The following RAB3GAP2 variants were observed in gnomAD, a reference collection of about 807,000 sequenced individuals.
RAB3GAP2 encodes the protein RAB3 GTPase activating non-catalytic protein subunit 2, also known as rab3 GTPase-activating protein non-catalytic subunit.
A neutral mutation model predicts 185.3 loss-of-function variants in RAB3GAP2; 87 were observed. The observed-to-expected ratio is 0.47, with a 90% CI of 0.39 to 0.56. The LOEUF (loss-of-function observed/expected upper bound fraction) is 0.56, where lower values mean the gene tolerates loss of function less well. RAB3GAP2 is among the 20% of genes least tolerant of loss of function. RAB3GAP2 has a pLI of 0.00. For synonymous variants in RAB3GAP2, 554 were observed against 576.1 expected (o/e 0.96, Z 0.55); for missense variants, 1,492 against 1,638.2 (o/e 0.91, Z 1.54).
chr1:220,239,440 A>G (rs964095880), intron 1 of RAB3GAP2, among the ~76,000 whole-genome samples: 8 of 152,172 alleles, frequency 5.3e-5, no homozygotes, highest in Non-Finnish European at 1.0e-4. Context: ...CATGTTGACC[A>G]GGTTGGTCTT....
At chr1:220,181,576 T>C (rs1658405254) in intron 21 of RAB3GAP2, among the ~76,000 whole-genome samples, 2 of 152,168 alleles carry the variant, frequency 1.3e-5, no homozygotes, top group Non-Finnish European at 2.9e-5. Context: ...AGTCTGAAAA[T>C]GTTTGGTAAC....
At chr1:220,200,340 T>C (rs114740948) in intron 9 of RAB3GAP2, among the ~76,000 whole-genome samples, 2,550 of 152,320 alleles carry the variant, frequency 0.017, 37 homozygotes, top group Non-Finnish European at 0.026. Flanking sequence ...ACCTACTTAT[T>C]TTCTTCATGA....
rs1239473751 is a variant in RAB3GAP2, at chr1:220,191,262, T to A, written c.1293A>T (p.Gly431=). ...MWKGYRDAQI[G]WIQTVEDLHE... is the part of the protein sequence containing the mutation. ...GGAGGTCCTCTACAGTTTGAATCCA[T>A]CCAATTTGTGCGTCGCGGTACCCTT... Residue 431 remains glycine (G), a synonymous_variant, in exon 14 of 35, where the codon GGA becomes GGT. Transcript: ENST00000358951. 1.2e-6 allele frequency: 2 copies of A among 1,606,886 alleles called. No homozygotes were observed. Among genetic ancestry groups the A allele is most frequent in the Non-Finnish European group, 1.7e-6 (2 of 1,177,878 alleles).
intron 8 of RAB3GAP2, among the ~76,000 whole-genome samples, chr1:220,203,719 G>A (rs77641245): frequency 0.035 from 5,267 of 152,152 alleles, 316 homozygotes; most frequent in African/African-American, 0.12. Context: ...TATTTTAAAT[G>A]TTCTCAAGAT....
intron 1 of RAB3GAP2, chr1:220,271,304 C>T (rs913273951): frequency 1.3e-5 from 2 of 151,946 alleles, no homozygotes; most frequent in Non-Finnish European, 1.5e-5. Flanking sequence ...AAAGTGAGAG[C>T]GCTGTACTAC....
At chr1:220,157,719 AAT>A in intron 30 of RAB3GAP2, 81 bp downstream of exon 30, 2 of 1,284,704 alleles carry the variant, frequency 1.6e-6, no homozygotes, top group Non-Finnish European at 2.2e-6. Context: ...ACCTCATTAA[AAT>A]AGTCATTTAT....
intron 21 of RAB3GAP2, among the ~76,000 whole-genome samples, chr1:220,173,586 G>A (rs1426685721): frequency 6.6e-6 from 1 of 152,158 alleles, no homozygotes; most frequent in African/African-American, 2.4e-5. Flanking sequence ...TTATGAGGAC[G>A]ACTTAGGGCC....
intron 1 of RAB3GAP2, among the ~76,000 whole-genome samples, chr1:220,268,993 C>T (rs1660283942): frequency 6.6e-6 from 1 of 152,014 alleles, no homozygotes; most frequent in Non-Finnish European, 1.5e-5. Context: ...TTCACAGGCT[C>T]AATAACCACA....
rs183772495 is a variant in RAB3GAP2, at chr1:220,171,932, T to C, written c.2534A>G (p.His845Arg). ...GTTTGATATCTGTGCAGCAACAGAA[T>C]GCCCAACATGCGCAGACAACAGAGC... ...GAALLSAHVG[H>R]SVAAQISNNM... Residue 845 changes from histidine (H) to arginine (R), a missense_variant, in exon 23 of 35, where the codon CAT (histidine) becomes CGT (arginine). By Grantham distance (29) the His-to-Arg change is conservative (BLOSUM62 0). Transcript: ENST00000358951. The C allele has an allele frequency of 3.2e-5, 52 of 1,614,218 alleles. No homozygotes were observed. Among genetic ancestry groups the C allele is most frequent in the African/African-American group, 8.0e-5 (6 of 75,050 alleles).
Position 220,197,133 on chromosome 1 carries a change from G to A in RAB3GAP2, c.812-735C>T, listed in dbSNP as rs534381938. Among the ~76,000 whole-genome samples, 141 of 151,792 alleles carry A rather than the reference G, an allele frequency of 9.3e-4. 1 individual carries two copies. Among genetic ancestry groups the A allele is most frequent in the South Asian group, 6.5e-3 (31 of 4,792 alleles). ...TCCCCGAATGGCTGGGATTACAGAC[G>A]CGCACCACCATGCCCAGCTAATTTT... On this transcript the variant is annotated intron_variant, in intron 9 of 34. Transcript: ENST00000358951.
chr1:220,260,397 A>G (rs2102531361), intron 1 of RAB3GAP2, among the ~76,000 whole-genome samples: 1 of 152,358 alleles, frequency 6.6e-6, no homozygotes, highest in East Asian at 1.9e-4. Context: ...TATATACACC[A>G]TGGAATACTA....
At chr1:220,153,433 A>G in intron 32 of RAB3GAP2, 27 bp from the exon 33 acceptor site, 4 of 1,580,194 alleles carry the variant, frequency 2.5e-6, no homozygotes, top group Non-Finnish European at 3.5e-6. Context: ...GAGATAGAGC[A>G]ATGCATTGTT....
intron 1 of RAB3GAP2, chr1:220,266,497 G>A (rs1030274268): frequency 1.0e-5 from 6 of 583,482 alleles, no homozygotes; most frequent in South Asian, 3.7e-5. Context: ...CACAATTCTC[G>A]TGGCTACTTT....
chr1:220,268,465 A>C (rs1660271412), intron 1 of RAB3GAP2, among the ~76,000 whole-genome samples: 1 of 152,230 alleles, frequency 6.6e-6, no homozygotes, highest in South Asian at 2.1e-4. Flanking sequence ...CCACCATCAC[A>C]AAAGAGTATC....
chr1:220,254,341 T>C, intron 1 of RAB3GAP2: 1 of 1,613,504 alleles, frequency 6.2e-7, no homozygotes, highest in Non-Finnish European at 8.5e-7. Flanking sequence ...GTCCCAGGTG[T>C]ATGGAGCGCC....
At chr1:220,268,333 G>T (rs1217178014) in intron 1 of RAB3GAP2, among the ~76,000 whole-genome samples, 1 of 152,158 alleles carries the variant, frequency 6.6e-6, no homozygotes, top group South Asian at 2.1e-4. Flanking sequence ...CTATAGTTGG[G>T]CAAAATCTTC....
intron 27 of RAB3GAP2, among the ~76,000 whole-genome samples, chr1:220,164,468 G>GT (rs1339856200): frequency 6.8e-5 from 8 of 117,042 alleles, no homozygotes; most frequent in African/African-American, 1.7e-4. Flanking sequence ...TTTGTTTTTT[G>GT]TTTTGTTTTT....
intron 1 of RAB3GAP2, among the ~76,000 whole-genome samples, chr1:220,241,258 A>G (rs1659692488): frequency 6.6e-6 from 1 of 152,088 alleles, no homozygotes; most frequent in Non-Finnish European, 1.5e-5. Context: ...TAGAAAGGAA[A>G]TTGAATTCTA....
intron 26 of RAB3GAP2, among the ~76,000 whole-genome samples, chr1:220,165,728 G>C (rs1487756161): frequency 6.6e-6 from 1 of 152,150 alleles, no homozygotes; most frequent in Non-Finnish European, 1.5e-5. Context: ...AAAATGTTAG[G>C]CACTATGCAT....
Sources: gnomAD v4.1 joint callset for allele counts (sites outside exome capture counted in the v4.1 genomes callset) on GRCh38, gnomAD v4.1.1 for gene constraint, MANE v1.5 for transcripts, NCBI Gene and HGNC (gene_info 2026-07-23, HGNC 2026-07-21) for gene names.